METTL25: variants seen among roughly 807,000 people sequenced by gnomAD.
METTL25 encodes the protein probable methyltransferase-like protein 25.
METTL25 carries 64 observed loss-of-function variants against 71.6 expected under a neutral mutation model. The ratio of observed to expected loss-of-function variants is 0.89; its 90% CI spans 0.73 to 1.10. METTL25 has a LOEUF of 1.10. Among genes scored for constraint, METTL25 ranks in the 50% least tolerant of loss-of-function variants. The pLI, the probability that METTL25 is intolerant of heterozygous loss-of-function variation, is 0.00. For synonymous variants in METTL25, 287 were observed against 250.3 expected (o/e 1.15, Z -1.38); for missense variants, 807 against 707.0 (o/e 1.14, Z -1.60).
At chr12:82,464,978 T>G (rs1892133437) in intron 9 of METTL25, among the ~76,000 whole-genome samples, 1 of 151,958 alleles carries the variant, frequency 6.6e-6, no homozygotes, top group African/African-American at 2.4e-5. Flanking sequence ...ACTAAATATG[T>G]TTATTAGTTC....
At chr12:82,377,254 C>G (rs988699704) in intron 1 of METTL25, among the ~76,000 whole-genome samples, 1 of 152,120 alleles carries the variant, frequency 6.6e-6, no homozygotes, top group Non-Finnish European at 1.5e-5. Flanking sequence ...TGATTCTTCT[C>G]TGGATCAAGT....
At chr12:82,459,375 C>G (rs1891706387) in intron 9 of METTL25, among the ~76,000 whole-genome samples, 1 of 152,176 alleles carries the variant, frequency 6.6e-6, no homozygotes, top group African/African-American at 2.4e-5. Flanking sequence ...CACCTGTAAT[C>G]CCAACACTTT....
chr12:82,441,802 T>A (rs1371600231), intron 8 of METTL25, among the ~76,000 whole-genome samples: 2,886 of 17,636 alleles, frequency 0.16, 81 homozygotes, highest in African/African-American at 0.33. Context: ...AAAAAAAAAA[T>A]AGAAACACAC....
At chr12:82,450,927 CT>C (rs1311600903) in intron 8 of METTL25, among the ~76,000 whole-genome samples, 1 of 152,106 alleles carries the variant, frequency 6.6e-6, no homozygotes, top group African/African-American at 2.4e-5. Flanking sequence ...CCTTTCATAT[CT>C]GCTTTCTCTC....
chr12:82,409,390 T>C (rs1412373230), intron 5 of METTL25, among the ~76,000 whole-genome samples: 1 of 152,164 alleles, frequency 6.6e-6, no homozygotes, highest in Non-Finnish European at 1.5e-5. Flanking sequence ...TAATAATTAA[T>C]TTGAAGTGTT....
At chr12:82,379,556 T>G (rs560955947) in intron 1 of METTL25, among the ~76,000 whole-genome samples, 12 of 152,190 alleles carry the variant, frequency 7.9e-5, no homozygotes, top group Non-Finnish European at 1.6e-4. Context: ...AGTTTGAGAT[T>G]ATGGGAAATT....
At chr12:82,368,988 C>T (rs888526036) in intron 1 of METTL25, among the ~76,000 whole-genome samples, 1 of 152,180 alleles carries the variant, frequency 6.6e-6, no homozygotes, top group South Asian at 2.1e-4. Context: ...TTAGTATTAT[C>T]AACACTTCTC....
At chr12:82,379,021 G>C (rs1884166283) in intron 1 of METTL25, among the ~76,000 whole-genome samples, 3 of 152,240 alleles carry the variant, frequency 2.0e-5, no homozygotes, top group Middle Eastern at 3.4e-3. Context: ...AACAGAGTGA[G>C]ACCTTTTCTC....
intron 5 of METTL25, among the ~76,000 whole-genome samples, chr12:82,410,046 T>C (rs904094080): frequency 1.3e-5 from 2 of 152,108 alleles, no homozygotes; most frequent in Admixed American, 1.3e-4. Context: ...TTAAAAATTG[T>C]TCCTTTGCTT....
At chr12:82,420,558 T>C (rs1227593725) in intron 5 of METTL25, among the ~76,000 whole-genome samples, 1 of 152,080 alleles carries the variant, frequency 6.6e-6, no homozygotes, top group Non-Finnish European at 1.5e-5. Context: ...AGGGGAAAAA[T>C]ACATATCAGG....
At chr12:82,469,126 C>T (rs573434419) in intron 9 of METTL25, among the ~76,000 whole-genome samples, 2 of 152,146 alleles carry the variant, frequency 1.3e-5, no homozygotes, top group South Asian at 2.1e-4. Flanking sequence ...ATCCACAGAT[C>T]GCCACCATCA....
chr12:82,458,367 T>G (rs577232612), intron 9 of METTL25, among the ~76,000 whole-genome samples: 5 of 152,238 alleles, frequency 3.3e-5, no homozygotes, highest in South Asian at 4.1e-4. Context: ...ACAGATCTAA[T>G]GAGAAGTGAG....
intron 5 of METTL25, among the ~76,000 whole-genome samples, chr12:82,422,870 CA>C (rs1386649459): frequency 1.3e-5 from 2 of 152,140 alleles, no homozygotes; most frequent in Non-Finnish European, 2.9e-5. Context: ...AGGAGAACTA[CA>C]AACCACTGCT....
In METTL25 at chr12:82,389,814, AG is replaced by A; in HGVS notation, c.425del. 6.4e-7 allele frequency: 1 copy of A among 1,557,880 alleles called. No homozygotes were observed. The highest frequency in any genetic ancestry group is 8.8e-7 in the Non-Finnish European group (1 of 1,133,372). On this transcript the variant is annotated splice_acceptor_variant, in intron 2 of 11. Coordinates refer to ENST00000248306, the MANE Select transcript of METTL25 (RefSeq NM_032230.3). LOFTEE classifies it high-confidence loss of function. ...AGCAGTTTTTACTTTTATTTTCATT[AG>A]GTGAAAATCAGAAGGCAGTTGAGTT...
At chr12:82,394,478 A>G (rs1885900216) in intron 3 of METTL25, among the ~76,000 whole-genome samples, 1 of 151,990 alleles carries the variant, frequency 6.6e-6, no homozygotes. Context: ...TTTCATTCAC[A>G]TTACCAAGGC....
chr12:82,463,620 A>T (rs911496006), intron 9 of METTL25, among the ~76,000 whole-genome samples: 3 of 152,050 alleles, frequency 2.0e-5, no homozygotes, highest in Admixed American at 1.3e-4. Context: ...TTGCTGGATC[A>T]TATGATAGTT....
chr12:82,475,219 G>A (rs954936399), intron 9 of METTL25, among the ~76,000 whole-genome samples: 3 of 152,222 alleles, frequency 2.0e-5, no homozygotes, highest in African/African-American at 7.2e-5. Context: ...ACTAAAGGCT[G>A]TAATTCAACA....
At chr12:82,392,324 C>T (rs1885671247) in intron 3 of METTL25, among the ~76,000 whole-genome samples, 1 of 148,162 alleles carries the variant, frequency 6.7e-6, no homozygotes, top group Non-Finnish European at 1.5e-5. Flanking sequence ...TCTCATTGTT[C>T]AGTTCCCACC....
At chr12:82,452,133 G>T (rs1369545473) in intron 8 of METTL25, among the ~76,000 whole-genome samples, 1 of 151,946 alleles carries the variant, frequency 6.6e-6, no homozygotes, top group Non-Finnish European at 1.5e-5. Context: ...AACATTATTG[G>T]ACCAAAATGC....
Sources: gnomAD v4.1 joint callset for allele counts (sites outside exome capture counted in the v4.1 genomes callset) on GRCh38, gnomAD v4.1.1 for gene constraint, MANE v1.5 for transcripts, NCBI Gene and HGNC (gene_info 2026-07-23, HGNC 2026-07-21) for gene names.